The following DST variants were observed in gnomAD, a reference collection of about 807,000 sequenced individuals.
DST encodes dystonin.
DST carries 253 observed loss-of-function variants against 875.2 expected under a neutral mutation model. That is an observed-to-expected ratio of 0.29 (90% CI 0.26 to 0.32). The LOEUF (loss-of-function observed/expected upper bound fraction) is 0.32. Among genes scored for constraint, DST ranks in the 10% least tolerant of loss-of-function variants. The probability of loss-of-function intolerance (pLI) is 1.00; values close to 1 mark genes in which losing one functional copy is unlikely to be tolerated. For missense variants in DST, 8,287 were observed against 9,111.6 expected (o/e 0.91, Z 3.68); for synonymous variants, 3,124 against 3,197.1 (o/e 0.98, Z 0.77).
At chr6:56,916,495 T>C (rs928106407) in intron 2 of DST, among the ~76,000 whole-genome samples, 20 of 152,282 alleles carry the variant, frequency 1.3e-4, no homozygotes, top group African/African-American at 4.8e-4. Flanking sequence ...TTCATGCCTG[T>C]AATCCCAGCA....
chr6:56,585,727 C>A (rs1446252937), intron 49 of DST, among the ~76,000 whole-genome samples: 3 of 150,964 alleles, frequency 2.0e-5, no homozygotes, highest in African/African-American at 7.3e-5. Context: ...CTCTTGTGGG[C>A]ATTTAGTGCT....
intron 3 of DST, among the ~76,000 whole-genome samples, chr6:56,883,159 C>G (rs1362992433): frequency 6.6e-6 from 1 of 152,180 alleles, no homozygotes; most frequent in South Asian, 2.1e-4. Context: ...TGAGCCACCA[C>G]GCCAGGCCCA....
chr6:56,895,185 GGGT>G, intron 3 of DST, among the ~76,000 whole-genome samples: 2 of 72,280 alleles, frequency 2.8e-5, no homozygotes, highest in African/African-American at 9.1e-5. Context: ...CTCCCGGACG[GGGT>G]GGCTGCCGGG....
chr6:56,940,249 TACAC>T (rs1194144513), intron 2 of DST, among the ~76,000 whole-genome samples: 1 of 149,942 alleles, frequency 6.7e-6, no homozygotes, highest in Admixed American at 6.7e-5. Context: ...TATACATATA[TACAC>T]ACACACATTT....
intron 39 of DST, among the ~76,000 whole-genome samples, chr6:56,610,132 A>G (rs2098533006): frequency 6.6e-6 from 1 of 152,194 alleles, no homozygotes; most frequent in Non-Finnish European, 1.5e-5. Context: ...ATATAATAAA[A>G]TACCTACTAT....
intron 3 of DST, among the ~76,000 whole-genome samples, chr6:56,872,827 C>A (rs1250075970): frequency 2.2e-5 from 3 of 136,914 alleles, no homozygotes; most frequent in South Asian, 4.7e-4. Context: ...CTGATTCCCC[C>A]CCCCCTTTTT....
intron 32 of DST, among the ~76,000 whole-genome samples, chr6:56,628,654 A>G (rs770923747): frequency 6.6e-6 from 1 of 152,238 alleles, no homozygotes; most frequent in Non-Finnish European, 1.5e-5. Context: ...TTACAGAGAT[A>G]ACACATATTT....
chr6:56,767,707 G>A (rs1381196635), intron 4 of DST, among the ~76,000 whole-genome samples: 1 of 152,032 alleles, frequency 6.6e-6, no homozygotes, highest in Non-Finnish European at 1.5e-5. Context: ...AAATAAAACA[G>A]AGCAGGTTAA....
intron 4 of DST, among the ~76,000 whole-genome samples, chr6:56,823,207 GA>G (rs2099775227): frequency 6.6e-6 from 1 of 152,136 alleles, no homozygotes; most frequent in South Asian, 2.1e-4. Context: ...GTCTGTCCGT[GA>G]ATTTTGCCAT....
intron 61 of DST, among the ~76,000 whole-genome samples, chr6:56,538,514 T>G (rs2097059595): frequency 6.6e-6 from 1 of 152,118 alleles, no homozygotes; most frequent in African/African-American, 2.4e-5. Context: ...GGAAAAAAAT[T>G]GCAGACACAG....
chr6:56,946,186 G>GA lies in DST; in HGVS notation c.216+7598_216+7599insT, dbSNP rs1416819599. ...CAGAAAGGGGCAGGGGATTAAGAGGGTGTTGTCTAGAAACCAGGAAGGAAA... is the reference window on the plus strand; with the variant it reads ...CAGAAAGGGGCAGGGGATTAAGAGGGATGTTGTCTAGAAACCAGGAAGGAAA... On this transcript the variant is annotated intron_variant, in intron 2 of 103. Transcript: ENST00000680361. Among the ~76,000 whole-genome samples, 7 of 152,302 alleles carry GA rather than the reference G, an allele frequency of 4.6e-5. No individual in the cohort carries two copies. The South Asian group carries it at 1.0e-3, about 23-fold the overall frequency.
chr6:56,572,223 A>G lies in DST; in HGVS notation c.13598T>C (p.Val4533Ala), dbSNP rs9464393. ...EFLEHKKHLEVLHSLLKEISS... is the reference protein window; with the variant it reads ...EFLEHKKHLEALHSLLKEISS... ...TATCTCCTTCAAGAGACTATGCAAA[A>G]CTTCAAGATGTTTCTTGTGTTCTAA... Residue 4533 changes from valine (V) to alanine (A), a missense_variant, in exon 53 of 104, where the codon GTT becomes GCT. By Grantham distance (64) the Val-to-Ala change is moderately conservative. This residue lies in a region of DST where 1,513 missense variants were observed against 1,677.8 expected (regional missense o/e 0.90). Coordinates refer to ENST00000680361, the MANE Select transcript of DST (RefSeq NM_001374736.1). 4.9e-3 allele frequency: 7,650 copies of G among 1,577,300 alleles called. 89 individuals are homozygous for G. Among genetic ancestry groups the G allele is most frequent in the African/African-American group, 0.043 (3,184 of 74,360 alleles).
chr6:56,477,284 T>G, intron 91 of DST, 61 bp downstream of exon 91: 1 of 1,535,590 alleles, frequency 6.5e-7, no homozygotes, highest in Non-Finnish European at 8.8e-7. Context: ...TCCTGAAATT[T>G]CCCACACCCC....
In DST at chr6:56,616,545, G is replaced by C. The variant is rs770480438; in HGVS notation, c.4930-2061C>G. 3 of 1,614,102 alleles carry C rather than the reference G, an allele frequency of 1.9e-6. No homozygotes were observed. In the East Asian group the frequency reaches 6.7e-5, roughly 36 times the overall value. ...GACTCTACATCAAATACACACATTCGCAGTAATTCTGAGTAATACAGAGCT... is the reference window on the plus strand; with the variant it reads ...GACTCTACATCAAATACACACATTCCCAGTAATTCTGAGTAATACAGAGCT... On this transcript the variant is annotated intron_variant, in intron 36 of 103. Coordinates refer to ENST00000680361, the MANE Select transcript of DST (RefSeq NM_001374736.1).
intron 15 of DST, among the ~76,000 whole-genome samples, chr6:56,643,958 G>A (rs1482415551): frequency 3.3e-5 from 5 of 152,152 alleles, no homozygotes; most frequent in Admixed American, 2.6e-4. Context: ...CAATGTAGTA[G>A]GCACTATTAC....
At chr6:56,864,236 C>G (rs570131998) in intron 3 of DST, among the ~76,000 whole-genome samples, 1 of 152,218 alleles carries the variant, frequency 6.6e-6, no homozygotes, top group Non-Finnish European at 1.5e-5. Flanking sequence ...AATATCAGCT[C>G]TTTCCTGAAT....
At chr6:56,954,292 T>C (rs1313268884) in intron 1 of DST, 115 bp downstream of exon 1, 1 of 681,282 alleles carries the variant, frequency 1.5e-6, no homozygotes, top group South Asian at 1.9e-5. Context: ...GCCTGGGGAG[T>C]GGGCAATGAT....
At chr6:56,887,858 C>T (rs1341480087) in intron 3 of DST, among the ~76,000 whole-genome samples, 1 of 152,116 alleles carries the variant, frequency 6.6e-6, no homozygotes, top group Non-Finnish European at 1.5e-5. Context: ...TCATTCAATA[C>T]AGTCTACCTA....
At chr6:56,763,064 G>C (rs2099621428) in intron 4 of DST, among the ~76,000 whole-genome samples, 1 of 151,836 alleles carries the variant, frequency 6.6e-6, no homozygotes, top group African/African-American at 2.4e-5. Context: ...TGGCCAGGCT[G>C]GTCTCGAACT....
Sources: allele counts gnomAD v4.1 joint callset (sites outside exome capture counted in the v4.1 genomes callset), GRCh38; gene constraint gnomAD v4.1.1; regional missense constraint gnomAD v4.1.1; transcripts MANE v1.5; gene names NCBI Gene and HGNC (gene_info 2026-07-23, HGNC 2026-07-21).